The following CYP27C1 variants were observed in gnomAD, a reference collection of about 807,000 sequenced individuals.
CYP27C1 encodes the protein cytochrome P450 family 27 subfamily C member 1, also known as cytochrome P450 27C1.
CYP27C1 carries 29 observed loss-of-function variants against 40.6 expected under a neutral mutation model. That is an observed-to-expected ratio of 0.71 (90% confidence interval 0.53 to 0.97). The LOEUF is 0.97. Ranked by LOEUF, CYP27C1 falls within the 50% of genes least tolerant of loss-of-function variation. The pLI, the probability that CYP27C1 is intolerant of heterozygous loss-of-function variation, is 0.00. For synonymous variants in CYP27C1, 198 were observed against 186.8 expected, an observed-to-expected ratio of 1.06 and a Z score of -0.49; for missense variants, 390 against 485.8, an observed-to-expected ratio of 0.80 and a Z score of 1.85.
At chr2:127,194,206 T>C (rs989509612) in intron 6 of CYP27C1, among the ~76,000 whole-genome samples, 3 of 152,210 alleles carry the variant, frequency 2.0e-5, no homozygotes, top group East Asian at 1.9e-4. Context: ...GAATAGTTCA[T>C]AGGACTTAAG....
Position 127,187,285 on chromosome 2 carries a change from C to T in CYP27C1, c.1600G>A (p.Val534Ile). The T allele has an allele frequency of 6.2e-7, 1 of 1,614,130 alleles. No homozygotes were observed. The highest frequency in any genetic ancestry group is 8.5e-7 in the Non-Finnish European group (1 of 1,179,994). Reference sequence around the variant, plus strand: ...AAAATCTAGGCTTACTTTCTGTTAACAAATCGCACGTGGATGGGCCCCCCT... The same window carrying T: ...AAAATCTAGGCTTACTTTCTGTTAATAAATCGCACGTGGATGGGCCCCCCT... ...TPGGPIHVRF[V>I]NRK Residue 534 changes from valine (V) to isoleucine (I), a missense_variant, in exon 9 of 9, where the codon GTT becomes ATT. Coordinates refer to ENST00000664447, the MANE Select transcript of CYP27C1 (RefSeq NM_001367502.1).
At position 127,201,065 on chromosome 2, in the gene CYP27C1, A is replaced by G; in HGVS notation, c.883+57T>C. ...CCCATTGTCTGGATGAGAGTTAGAC[A>G]CACAACACGGCAGGTCAACCTGCTT... is the stretch of plus-strand genomic sequence containing the variant. On this transcript the variant is annotated intron_variant, in intron 4 of 8. Coordinates refer to ENST00000664447, the MANE Select transcript of CYP27C1 (RefSeq NM_001367502.1). This position sits in a 1 kb window ranked among gnomAD's most constrained non-coding sequence, Gnocchi z 6.0. The G allele has an allele frequency of 6.5e-7, 1 of 1,536,302 alleles. No homozygotes were observed. Among genetic ancestry groups the G allele is most frequent in the Non-Finnish European group, 9.0e-7 (1 of 1,115,824 alleles).
rs538155833 is a variant in CYP27C1, at chr2:127,186,539, C to T, written c.*732G>A. 1 of 152,184 alleles carries T rather than the reference C, an allele frequency of 6.6e-6. No homozygotes were observed. The highest frequency in any genetic ancestry group is 2.1e-4 in the South Asian group (1 of 4,810). 9.4% of individuals were successfully genotyped at this position (152,184 alleles called of 1,614,324 possible). A position where few individuals can be genotyped will look rare whatever the true frequency, so the allele number is the denominator to read the frequency against. ...GCCTCAGTCTTCCGAGTAACTAGGA[C>T]CATAGGTGTGCACCACCACGCCCGG... On this transcript the variant is annotated 3_prime_UTR_variant, in exon 9 of 9. Transcript: ENST00000664447. This position sits in a 1 kb window ranked among gnomAD's most constrained non-coding sequence, Gnocchi z 4.5.
intron 6 of CYP27C1, among the ~76,000 whole-genome samples, chr2:127,194,247 C>T (rs1050565208): frequency 6.6e-6 from 1 of 152,144 alleles, no homozygotes; most frequent in Non-Finnish European, 1.5e-5. Flanking sequence ...AGAAAAGATA[C>T]TTCGGCGATC....
In CYP27C1 at chr2:127,200,987, A is replaced by T; in HGVS notation, c.883+135T>A. Reference sequence around the variant, plus strand: ...CAAAAAAAAAAAAAATCCAAAAGTTATGGGTCCAAAAACTAACACGTGACT... The same window carrying T: ...CAAAAAAAAAAAAAATCCAAAAGTTTTGGGTCCAAAAACTAACACGTGACT... On this transcript the variant is annotated intron_variant, in intron 4 of 8. Coordinates refer to ENST00000664447, the MANE Select transcript of CYP27C1 (RefSeq NM_001367502.1). This position sits in a 1 kb window ranked among gnomAD's most constrained non-coding sequence, Gnocchi z 4.2. 2.2e-6 allele frequency: 2 copies of T among 899,130 alleles called. No individual in the cohort carries two copies. The highest frequency in any genetic ancestry group is 7.2e-4 in the Middle Eastern group (2 of 2,784). 55.7% of individuals were successfully genotyped at this position (899,130 alleles called of 1,614,324 possible). A position where few individuals can be genotyped will look rare whatever the true frequency, so the allele number is the denominator to read the frequency against.
rs1460387079 is a variant in CYP27C1 at position 127,185,131 on chromosome 2, T to C, written c.*2140A>G. 1 of 152,320 alleles carries C rather than the reference T, an allele frequency of 6.6e-6. No homozygotes were observed. Among genetic ancestry groups the C allele is most frequent in the African/African-American group, 2.4e-5 (1 of 41,460 alleles). 9.4% of individuals were successfully genotyped at this position (152,320 alleles called of 1,614,324 possible). ...CACCACGCCCAGCCCCCATGGAGTT[T>C]TGACATCTCCCTGTATACCACATAT... On this transcript the variant is annotated 3_prime_UTR_variant, in exon 9 of 9. Transcript: ENST00000664447. This position sits in a 1 kb window ranked among gnomAD's most constrained non-coding sequence, Gnocchi z 4.9.
At chr2:127,198,627 A>G (rs1420051470) in intron 5 of CYP27C1, among the ~76,000 whole-genome samples, 6 of 152,244 alleles carry the variant, frequency 3.9e-5, no homozygotes, top group Non-Finnish European at 8.8e-5. Flanking sequence ...CCATAAGATT[A>G]TAAAGCCACA....
Position 127,201,056 on chromosome 2 carries a change from GAGTT to G in CYP27C1, c.883+62_883+65del. ...CTATGGTCACCCATTGTCTGGATGA[GAGTT>G]AGACACACAACACGGCAGGTCAACC... On this transcript the variant is annotated intron_variant, in intron 4 of 8. Transcript: ENST00000664447. This position sits in a 1 kb window ranked among gnomAD's most constrained non-coding sequence, Gnocchi z 6.0. The G allele has an allele frequency of 1.4e-6, 2 of 1,470,498 alleles. No individual in the cohort carries two copies. The highest frequency in any genetic ancestry group is 2.3e-5 in the East Asian group (1 of 43,980). The allele number at this position is 1,470,498 out of a possible 1,614,324, so 91.1% of individuals were successfully genotyped here. A position where few individuals can be genotyped will look rare whatever the true frequency, so the allele number is the denominator to read the frequency against.
rs536252586 is a variant in CYP27C1, at chr2:127,208,898, G to A, written c.283-2808C>T. On this transcript the variant is annotated intron_variant, in intron 1 of 8. Transcript: ENST00000664447. The surrounding 1 kb of genome is among the most constrained non-coding windows in gnomAD (Gnocchi z 5.2). ...GGGAAGGGGTGGCCACAGTCTCTGC[G>A]GACCAGCAGATTTAGCCTCTTCTCC... is the stretch of plus-strand genomic sequence containing the variant. Among the ~76,000 whole-genome samples the A allele has an allele frequency of 2.9e-3, 435 of 152,222 alleles. 1 individual carries two copies. The highest frequency in any genetic ancestry group is 0.01 in the African/African-American group (416 of 41,494).
At chr2:127,204,125 G>T (rs1219474222) in intron 2 of CYP27C1, among the ~76,000 whole-genome samples, 1 of 151,344 alleles carries the variant, frequency 6.6e-6, no homozygotes, top group Non-Finnish European at 1.5e-5. Context: ...ATTTAGCCGG[G>T]TGTGGTGGTG....
intron 1 of CYP27C1, among the ~76,000 whole-genome samples, chr2:127,211,556 T>C (rs1053239524): frequency 6.6e-6 from 1 of 151,902 alleles, no homozygotes; most frequent in South Asian, 2.1e-4. Flanking sequence ...CTAATTTTTT[T>C]TTGTATTTTT....
In CYP27C1 at chr2:127,196,112, G is replaced by C. The variant is rs1682898438; in HGVS notation, c.1048-611C>G. On this transcript the variant is annotated intron_variant, in intron 5 of 8. Coordinates refer to ENST00000664447, the MANE Select transcript of CYP27C1 (RefSeq NM_001367502.1). The surrounding 1 kb of genome is among the most constrained non-coding windows in gnomAD (Gnocchi z 4.5). ...GAGTCTCGCTCTGTCGCCCAGGCTG[G>C]AATGCAGTGACGCGATCTCGGCTCA... Among the ~76,000 whole-genome samples the C allele has an allele frequency of 6.6e-6, 1 of 151,626 alleles. No homozygotes were observed. Among genetic ancestry groups the C allele is most frequent in the South Asian group, 2.1e-4 (1 of 4,814 alleles).
In CYP27C1 at chr2:127,218,560, C is replaced by T. The variant is rs1038802692; in HGVS notation, c.282+1429G>A. ...ATTAAAATTAAATTAAATTTTAATT[C>T]CCGGCCGAATTAAAATTGCTCCTCG... On this transcript the variant is annotated intron_variant, in intron 1 of 8. Transcript: ENST00000664447. This position sits in a 1 kb window ranked among gnomAD's most constrained non-coding sequence, Gnocchi z 6.0. 6.6e-6 allele frequency among the ~76,000 whole-genome samples: 1 copy of T among 152,036 alleles called. No individual in the cohort carries two copies. The highest frequency in any genetic ancestry group is 1.5e-5 in the Non-Finnish European group (1 of 68,034).
chr2:127,195,574 T>A lies in CYP27C1; in HGVS notation c.1048-73A>T. 1 of 1,507,400 alleles carries A rather than the reference T, an allele frequency of 6.6e-7. No homozygotes were observed. Among genetic ancestry groups the A allele is most frequent in the Admixed American group, 1.8e-5 (1 of 54,926 alleles). The allele number at this position is 1,507,400 out of a possible 1,614,324, so 93.4% of individuals were successfully genotyped here. A position where few individuals can be genotyped will look rare whatever the true frequency, so the allele number is the denominator to read the frequency against. On this transcript the variant is annotated intron_variant, in intron 5 of 8. Transcript: ENST00000664447. The surrounding 1 kb of genome is among the most constrained non-coding windows in gnomAD (Gnocchi z 6.2). ...GGACTGAAACAGAGGCGGTGGCAGG[T>A]AGGAAGTCCCCTGGGAATACACACA...
intron 1 of CYP27C1, among the ~76,000 whole-genome samples, chr2:127,211,607 G>A (rs1415286008): frequency 2.0e-5 from 3 of 151,866 alleles, no homozygotes; most frequent in South Asian, 2.1e-4. Flanking sequence ...GGATGGTCTC[G>A]ACCTCCTGAC....
rs954979350 is a variant in CYP27C1, at chr2:127,220,035, G to T, written c.236C>A (p.Ala79Glu). 6 of 151,910 alleles carry T rather than the reference G, an allele frequency of 3.9e-5. No individual in the cohort carries two copies. The highest frequency in any genetic ancestry group is 3.3e-4 in the Admixed American group (5 of 15,256). 9.4% of individuals were successfully genotyped at this position (151,910 alleles called of 1,614,324 possible). ...MPGPRTLANL[A>E]EFFCRDGFSR... is the part of the protein sequence containing the mutation. Reference sequence around the variant, plus strand: ...GAAGCCGTCCCTGCAGAAGAACTCCGCCAGGTTGGCGAGGGTCCTCGGCCC... The same window carrying T: ...GAAGCCGTCCCTGCAGAAGAACTCCTCCAGGTTGGCGAGGGTCCTCGGCCC... Residue 79 changes from alanine to glutamate, a missense_variant, in exon 1 of 9, where the codon GCG becomes GAG. Transcript: ENST00000664447. The surrounding 1 kb of genome is among the most constrained non-coding windows in gnomAD (Gnocchi z 4.6).
rs373717507 is a variant in CYP27C1, at chr2:127,195,468, G to A, written c.1081C>T (p.Leu361=). ...SFTLSWTVYL[L]ARHPEVQQTV... ...TGCTGCACTTCTGGGTGCCTTGCCA[G>A]GAGGTACACAGTCCAAGACAAGGTG... The change falls in exon 6 of 9, where the codon CTG becomes TTG. Residue 361 remains leucine, a synonymous_variant. Coordinates refer to ENST00000664447, the MANE Select transcript of CYP27C1 (RefSeq NM_001367502.1). This position sits in a 1 kb window ranked among gnomAD's most constrained non-coding sequence, Gnocchi z 6.2. 53 of 1,613,944 alleles carry A rather than the reference G, an allele frequency of 3.3e-5. No individual in the cohort carries two copies. Among genetic ancestry groups the A allele is most frequent in the Non-Finnish European group, 4.2e-5 (49 of 1,179,998 alleles).
chr2:127,203,620 T>G, intron 2 of CYP27C1, 49 bp from the exon 3 acceptor site: 1 of 1,559,398 alleles, frequency 6.4e-7, no homozygotes, highest in Non-Finnish European at 8.6e-7. Context: ...ACTGACATTC[T>G]GGGAAAGAAT....
intron 1 of CYP27C1, among the ~76,000 whole-genome samples, chr2:127,214,783 T>G (rs2174273): frequency 3.2e-4 from 22 of 68,478 alleles, no homozygotes; most frequent in East Asian, 2.8e-3. Flanking sequence ...CCGTTTTTTG[T>G]TTTTTTTTTT....
Sources: gnomAD v4.1 joint callset for allele counts (sites outside exome capture counted in the v4.1 genomes callset) on GRCh38, gnomAD v4.1.1 for gene constraint, Gnocchi (gnomAD v3.1) non-coding constraint, MANE v1.5 for transcripts, NCBI Gene and HGNC (gene_info 2026-07-23, HGNC 2026-07-21) for gene names.